The following MYO9B variants were observed in gnomAD, a reference collection of about 807,000 sequenced individuals.
MYO9B encodes myosin IXB.
MYO9B carries 71 observed loss-of-function variants against 229.5 expected under a neutral mutation model. That is an observed-to-expected ratio of 0.31 (90% CI 0.26 to 0.38). The LOEUF (loss-of-function observed/expected upper bound fraction) is 0.38. Ranked by LOEUF, MYO9B falls within the 10% of genes least tolerant of loss-of-function variation. MYO9B has a pLI of 1.00. For synonymous variants in MYO9B, 1,185 were observed against 1,235.8 expected, an observed-to-expected ratio of 0.96 and a Z score of 0.86; for missense variants, 2,255 against 2,920.5, an observed-to-expected ratio of 0.77 and a Z score of 5.25.
chr19:17,117,090 C>G (rs1469585832), intron 2 of MYO9B, among the ~76,000 whole-genome samples: 1 of 152,000 alleles, frequency 6.6e-6, no homozygotes, highest in African/African-American at 2.4e-5. Context: ...TCTGGGACAC[C>G]CCTGCCACAG....
chr19:17,162,335 C>T lies in MYO9B; in HGVS notation c.1420-15C>T, dbSNP rs562854133. The T allele has an allele frequency of 3.2e-6, 5 of 1,555,782 alleles. No homozygotes were observed. Among genetic ancestry groups the T allele is most frequent in the South Asian group, 1.2e-5 (1 of 84,424 alleles). ...CTGCCGTGCCGGAGGTGAGTCACCC[C>T]CTCTGTGTCCACAGGCCATCACTGC... On this transcript the variant is annotated splice_polypyrimidine_tract_variant and intron_variant, in intron 8 of 39. Coordinates refer to ENST00000682292, the MANE Select transcript of MYO9B (RefSeq NM_004145.4).
intron 19 of MYO9B, among the ~76,000 whole-genome samples, chr19:17,189,221 G>T (rs1361264791): frequency 6.6e-6 from 1 of 152,056 alleles, no homozygotes; most frequent in Non-Finnish European, 1.5e-5. Context: ...AGCTACTCAG[G>T]AGGCTGAGGT....
chr19:17,133,138 G>A (rs2072223529), intron 2 of MYO9B, among the ~76,000 whole-genome samples: 3 of 152,188 alleles, frequency 2.0e-5, no homozygotes, highest in African/African-American at 4.8e-5. Flanking sequence ...GAGCCACTGC[G>A]CCCGGCCTAT....
chr19:17,143,305 G>A (rs908539992), intron 2 of MYO9B, among the ~76,000 whole-genome samples: 1 of 151,990 alleles, frequency 6.6e-6, no homozygotes, highest in Non-Finnish European at 1.5e-5. Context: ...GTGAAATGTT[G>A]GAATGGGCCT....
At chr19:17,154,687 G>A (rs760635473) in intron 6 of MYO9B, among the ~76,000 whole-genome samples, 8 of 152,164 alleles carry the variant, frequency 5.3e-5, no homozygotes, top group African/African-American at 9.7e-5. Flanking sequence ...CAGGCTCCAC[G>A]TGGCTCACTC....
chr19:17,197,916 T>C lies in MYO9B; in HGVS notation c.4113+58T>C, dbSNP rs1031176211. ...TAAAAATACAAAAATCAGCCAGGCGTGGTGGCGCTTGCCTGTAACCCCAGC... is the reference window on the plus strand; with the variant it reads ...TAAAAATACAAAAATCAGCCAGGCGCGGTGGCGCTTGCCTGTAACCCCAGC... On this transcript the variant is annotated intron_variant, in intron 23 of 39. Coordinates refer to ENST00000682292, the MANE Select transcript of MYO9B (RefSeq NM_004145.4). 17 of 1,587,162 alleles carry C rather than the reference T, an allele frequency of 1.1e-5. No homozygotes were observed. In the Admixed American group the frequency reaches 2.2e-4, roughly 20 times the overall value.
rs190829238 is a variant in MYO9B at position 17,178,894 on chromosome 19, C to T, written c.2220-2033C>T. Among the ~76,000 whole-genome samples the T allele has an allele frequency of 2.6e-4, 40 of 151,830 alleles. No individual in the cohort carries two copies. In the Middle Eastern group the frequency reaches 0.014, roughly 52 times the overall value. ...ACTAAAAATACAAAAATTAGCCAGG[C>T]GTGGTGTGCACCTGTAATCCTAGCT... On this transcript the variant is annotated intron_variant, in intron 14 of 39. Transcript: ENST00000682292.
chr19:17,183,652 ACG>A (rs1373080306), intron 15 of MYO9B, 175 bp from the exon 16 acceptor site: 2 of 594,740 alleles, frequency 3.4e-6, no homozygotes, highest in African/African-American at 3.8e-5. Flanking sequence ...TGGCTGAGGC[ACG>A]CCACGGTGTG....
intron 2 of MYO9B, among the ~76,000 whole-genome samples, chr19:17,104,729 C>CT (rs1208856437): frequency 1.9e-5 from 2 of 105,500 alleles, no homozygotes; most frequent in Non-Finnish European, 3.8e-5. Flanking sequence ...CCCAGCTCCG[C>CT]TTAAAAAAAA....
At chr19:17,135,452 G>A (rs1216962434) in intron 2 of MYO9B, among the ~76,000 whole-genome samples, 1 of 152,166 alleles carries the variant, frequency 6.6e-6, no homozygotes, top group East Asian at 1.9e-4. Flanking sequence ...GACCCCACAT[G>A]ATACTCCAGG....
Position 17,206,864 on chromosome 19 carries a change from G to C in MYO9B, c.5492+80G>C, listed in dbSNP as rs150271309. On this transcript the variant is annotated intron_variant, in intron 34 of 39. Coordinates refer to ENST00000682292, the MANE Select transcript of MYO9B (RefSeq NM_004145.4). ...GAGGCAGCATTTCCCAGGAGGACCC[G>C]AGCTGGCGTTCTGTGGTGGTTTCGA... 39 of 1,336,304 alleles carry C rather than the reference G, an allele frequency of 2.9e-5. No homozygotes were observed. In the African/African-American group the frequency reaches 5.2e-4, roughly 18 times the overall value. The allele number at this position is 1,336,304 out of a possible 1,614,324, so 82.8% of individuals were successfully genotyped here. A position where few individuals can be genotyped will look rare whatever the true frequency, so the allele number is the denominator to read the frequency against.
chr19:17,118,461 AATTT>A lies in MYO9B; in HGVS notation c.840+15929_840+15932del, dbSNP rs200647611. Reference sequence around the variant, plus strand: ...ATATTTTTTAAAATTTTTTAAAATGAATTTATTTATTTATTTATTTATTTATTTT... The same window carrying A: ...ATATTTTTTAAAATTTTTTAAAATGAATTTATTTATTTATTTATTTATTTT... On this transcript the variant is annotated intron_variant, in intron 2 of 39. Transcript: ENST00000682292. Among the ~76,000 whole-genome samples the A allele has an allele frequency of 5.4e-3, 813 of 151,770 alleles. 9 individuals carry two copies. The highest frequency in any genetic ancestry group is 0.015 in the Admixed American group (233 of 15,244).
At position 17,156,921 on chromosome 19, in the gene MYO9B, C is replaced by T. The variant is rs762713264; in HGVS notation, c.1212C>T (p.Val404=). The T allele has an allele frequency of 6.2e-7, 1 of 1,612,404 alleles. No individual in the cohort carries two copies. Among genetic ancestry groups the T allele is most frequent in the Admixed American group, 1.7e-5 (1 of 59,490 alleles). Residue 404 remains valine, a synonymous_variant, in exon 7 of 40, where the codon GTC becomes GTT. Transcript: ENST00000682292. The part of the protein sequence containing the change: ...LPATKKQIFA[V]LSAILYLGNV... ...TTTTCTTTCCCAGGATTTTTGCCGT[C>T]CTCTCGGCCATCCTGTACCTGGGCA...
chr19:17,111,407 C>A (rs1483287318), intron 2 of MYO9B, among the ~76,000 whole-genome samples: 1 of 152,120 alleles, frequency 6.6e-6, no homozygotes, highest in African/African-American at 2.4e-5. Context: ...TTTATATCTA[C>A]AGTTTATAAA....
intron 10 of MYO9B, among the ~76,000 whole-genome samples, chr19:17,167,199 A>ATTT (rs79129217): frequency 1.7e-4 from 23 of 134,630 alleles, no homozygotes; most frequent in African/African-American, 6.4e-4. Context: ...AAAGTTTTGG[A>ATTT]TTTTTTTTTT....
chr19:17,197,579 A>G (rs2073059976), intron 22 of MYO9B, among the ~76,000 whole-genome samples: 1 of 152,262 alleles, frequency 6.6e-6, no homozygotes, highest in Admixed American at 6.5e-5. Context: ...GGTATTGAGT[A>G]GCATCCCTGC....
At chr19:17,166,624 G>A (rs1431384729) in intron 10 of MYO9B, among the ~76,000 whole-genome samples, 2 of 151,962 alleles carry the variant, frequency 1.3e-5, no homozygotes, top group East Asian at 3.8e-4. Context: ...GTACCCACTA[G>A]TTATTTTTCC....
rs10401923 is a variant in MYO9B, at chr19:17,172,592, G to A, written c.1935+115G>A. On this transcript the variant is annotated intron_variant, in intron 12 of 39. Transcript: ENST00000682292. The surrounding 1 kb of genome is among the most constrained non-coding windows in gnomAD (Gnocchi z 8.2). ...GGTTCCAGGGTGCTCAGAACCCACC[G>A]CGAATCCCCGGCTCCAATGTCCAAG... 1,778 of 1,482,478 alleles carry A rather than the reference G, an allele frequency of 1.2e-3. 22 individuals are homozygous for A. The African/African-American group carries it at 0.022, about 18-fold the overall frequency. 91.8% of individuals were successfully genotyped at this position (1,482,478 alleles called of 1,614,324 possible).
At chr19:17,086,097 A>G (rs748911883) in intron 1 of MYO9B, among the ~76,000 whole-genome samples, 1 of 152,172 alleles carries the variant, frequency 6.6e-6, no homozygotes, top group Non-Finnish European at 1.5e-5. Context: ...CCCAGAGTCC[A>G]TCTGCCACAG....
Sources: allele counts gnomAD v4.1 joint callset (sites outside exome capture counted in the v4.1 genomes callset), GRCh38; gene constraint gnomAD v4.1.1; non-coding constraint Gnocchi (gnomAD v3.1); transcripts MANE v1.5; gene names NCBI Gene and HGNC (gene_info 2026-07-23, HGNC 2026-07-21).